The following ANKRD11 variants were observed in gnomAD, a reference collection of about 807,000 sequenced individuals.
The protein encoded by ANKRD11 is ankyrin repeat domain 11.
Under a neutral mutation model 195.7 loss-of-function variants are expected in ANKRD11, and 17 were observed. The ratio of observed to expected loss-of-function variants is 0.09; its 90% CI spans 0.06 to 0.13. The LOEUF (loss-of-function observed/expected upper bound fraction) is 0.13, where lower values mean the gene tolerates loss of function less well. ANKRD11 is among the 10% of genes least tolerant of loss of function. ANKRD11 has a pLI of 1.00. For synonymous variants in ANKRD11, 1,953 were observed against 1,528.1 expected (o/e 1.28, Z -6.49); for missense variants, 3,735 against 3,566.1 (o/e 1.05, Z -1.21).
chr16:89,471,099 T>C (rs2057069556), intron 1 of ANKRD11, among the ~76,000 whole-genome samples: 1 of 152,074 alleles, frequency 6.6e-6, no homozygotes, highest in African/African-American at 2.4e-5. Flanking sequence ...ACTCCTGTAA[T>C]CCCAGCACTC....
chr16:89,309,815 A>G (rs922660161), intron 3 of ANKRD11, among the ~76,000 whole-genome samples: 1 of 152,246 alleles, frequency 6.6e-6, no homozygotes, highest in African/African-American at 2.4e-5. Context: ...CTCCAACATT[A>G]AATCCAATCC....
chr16:89,463,061 C>A (rs1204926858), intron 1 of ANKRD11, among the ~76,000 whole-genome samples: 9 of 31,044 alleles, frequency 2.9e-4, no homozygotes, highest in African/African-American at 8.7e-4. Flanking sequence ...GGGGGTCAGC[C>A]CCCCCGCCCG....
At chr16:89,353,422 G>C (rs545599578) in intron 2 of ANKRD11, among the ~76,000 whole-genome samples, 118 of 152,264 alleles carry the variant, frequency 7.7e-4, no homozygotes, top group African/African-American at 2.7e-3. Flanking sequence ...CAAAAGTAGA[G>C]CTGGAAATAC....
chr16:89,442,779 G>A (rs960016072), intron 1 of ANKRD11, among the ~76,000 whole-genome samples: 1 of 152,148 alleles, frequency 6.6e-6, no homozygotes, highest in Non-Finnish European at 1.5e-5. Context: ...GTGGCAGGAA[G>A]GTGTGTGCCC....
intron 1 of ANKRD11, chr16:89,422,330 G>T (rs973015480): frequency 6.6e-6 from 1 of 151,874 alleles, no homozygotes; most frequent in African/African-American, 2.4e-5. Context: ...ACCATTAAAA[G>T]AATTTTTTTA....
At chr16:89,465,056 A>G (rs773229843) in intron 1 of ANKRD11, among the ~76,000 whole-genome samples, 25 of 152,254 alleles carry the variant, frequency 1.6e-4, no homozygotes, top group Non-Finnish European at 3.4e-4. Flanking sequence ...AAATTATATG[A>G]AATTCTAATT....
intron 2 of ANKRD11, among the ~76,000 whole-genome samples, chr16:89,318,641 C>T (rs2037114402): frequency 6.6e-6 from 1 of 152,244 alleles, no homozygotes; most frequent in Non-Finnish European, 1.5e-5. Flanking sequence ...ATGCCACCTG[C>T]CCCTGGACGC....
At chr16:89,393,385 G>A (rs1468790976) in intron 2 of ANKRD11, among the ~76,000 whole-genome samples, 1 of 149,818 alleles carries the variant, frequency 6.7e-6, no homozygotes, top group Non-Finnish European at 1.5e-5. Context: ...GTACAGTGGC[G>A]CAATATTGGC....
chr16:89,315,632 G>A (rs538151457), intron 3 of ANKRD11, among the ~76,000 whole-genome samples: 1 of 152,366 alleles, frequency 6.6e-6, no homozygotes, highest in East Asian at 1.9e-4. Flanking sequence ...AACCCACCCA[G>A]CCCTGCACAC....
chr16:89,445,045 G>A (rs2043721319), intron 1 of ANKRD11, among the ~76,000 whole-genome samples: 1 of 152,092 alleles, frequency 6.6e-6, no homozygotes, highest in African/African-American at 2.4e-5. Context: ...CACCCACCTG[G>A]AGGCTCAGCA....
At chr16:89,365,883 C>A (rs796558106) in intron 2 of ANKRD11, among the ~76,000 whole-genome samples, 1 of 151,784 alleles carries the variant, frequency 6.6e-6, no homozygotes, top group Non-Finnish European at 1.5e-5. Flanking sequence ...TCAAGCAGAC[C>A]CCAGTGTCTG....
intron 2 of ANKRD11, among the ~76,000 whole-genome samples, chr16:89,320,877 T>TC (rs1317391031): frequency 1.3e-5 from 2 of 152,284 alleles, no homozygotes; most frequent in Admixed American, 6.5e-5. Context: ...GGGCTCCACC[T>TC]CCCCTGCAAT....
intron 11 of ANKRD11, among the ~76,000 whole-genome samples, chr16:89,273,881 G>C (rs1278631300): frequency 6.6e-6 from 1 of 152,036 alleles, no homozygotes; most frequent in Non-Finnish European, 1.5e-5. Context: ...CTGGGGTGGC[G>C]TCAAGGGGGG....
At chr16:89,372,008 G>A (rs1381177906) in intron 2 of ANKRD11, among the ~76,000 whole-genome samples, 2 of 152,166 alleles carry the variant, frequency 1.3e-5, no homozygotes, top group Admixed American at 6.5e-5. Context: ...GGTTTGTCAC[G>A]GGCCAAGAAC....
chr16:89,352,982 C>T (rs1461935362), intron 2 of ANKRD11, among the ~76,000 whole-genome samples: 1 of 152,170 alleles, frequency 6.6e-6, no homozygotes, highest in African/African-American at 2.4e-5. Context: ...AAACATTAAA[C>T]CTTGAATATA....
intron 2 of ANKRD11, among the ~76,000 whole-genome samples, chr16:89,387,198 G>A (rs1236105256): frequency 6.6e-6 from 1 of 151,662 alleles, no homozygotes; most frequent in Non-Finnish European, 1.5e-5. Context: ...GCTCAGCAAG[G>A]AAACACACAG....
At chr16:89,349,467 G>A (rs1287385891) in intron 2 of ANKRD11, among the ~76,000 whole-genome samples, 6 of 152,114 alleles carry the variant, frequency 3.9e-5, no homozygotes, top group East Asian at 1.9e-4. Flanking sequence ...GCGACAGAGC[G>A]AGACTCATCT....
At chr16:89,335,855 T>TA (rs2038324940) in intron 2 of ANKRD11, among the ~76,000 whole-genome samples, 1 of 152,068 alleles carries the variant, frequency 6.6e-6, no homozygotes, top group African/African-American at 2.4e-5. Context: ...CTGGTGCTTC[T>TA]AAAGGGCTAG....
At chr16:89,470,930 T>A (rs949779494) in intron 1 of ANKRD11, among the ~76,000 whole-genome samples, 5 of 152,134 alleles carry the variant, frequency 3.3e-5, no homozygotes, top group African/African-American at 1.2e-4. Flanking sequence ...GAGGCGGAGC[T>A]TGCAGTGAGC....
Sources: allele counts gnomAD v4.1 joint callset (sites outside exome capture counted in the v4.1 genomes callset), GRCh38; gene constraint gnomAD v4.1.1; transcripts MANE v1.5; gene names NCBI Gene and HGNC (gene_info 2026-07-23, HGNC 2026-07-21).